Variants in RTN4RL1 observed in about 807,000 individuals in gnomAD.
RTN4RL1 encodes reticulon 4 receptor like 1, also known as reticulon-4 receptor-like 1.
A neutral mutation model predicts 25.6 loss-of-function variants in RTN4RL1; 7 were observed. The ratio of observed to expected loss-of-function variants is 0.27; its 90% CI spans 0.16 to 0.51. The LOEUF (loss-of-function observed/expected upper bound fraction) is 0.51, where lower values mean the gene tolerates loss of function less well. RTN4RL1 is among the 20% of genes least tolerant of loss of function. The probability of loss-of-function intolerance (pLI) is 0.97; values close to 1 mark genes in which losing one functional copy is unlikely to be tolerated. For missense variants in RTN4RL1, 500 were observed against 615.6 expected, an observed-to-expected ratio of 0.81 and a Z score of 1.99; for synonymous variants, 297 against 288.2, an observed-to-expected ratio of 1.03 and a Z score of -0.31.
Position 1,935,709 on chromosome 17 carries a change from GTGTATA to G in RTN4RL1, c.*781_*786del, listed in dbSNP as rs1462086772. 4 of 199,206 alleles carry G rather than the reference GTGTATA, an allele frequency of 2.0e-5. No individual in the cohort carries two copies. The Admixed American group carries it at 3.8e-4, about 19-fold the overall frequency. 12.3% of individuals were successfully genotyped at this position (199,206 alleles called of 1,614,324 possible). On this transcript the variant is annotated 3_prime_UTR_variant, in exon 2 of 2. Transcript: ENST00000331238. ...GGAGTGGGAGGGGGACTGTGCATTT[GTGTATA>G]TATATATATATATATATATATATAT...
intron 1 of RTN4RL1, among the ~76,000 whole-genome samples, chr17:1,965,224 C>T (rs1403026163): frequency 6.6e-6 from 1 of 151,668 alleles, no homozygotes; most frequent in Non-Finnish European, 1.5e-5. Flanking sequence ...ATTCTCTTGC[C>T]TCAGCCTCCC....
chr17:1,950,298 G>A (rs1915645978), intron 1 of RTN4RL1, among the ~76,000 whole-genome samples: 1 of 152,170 alleles, frequency 6.6e-6, no homozygotes, highest in Non-Finnish European at 1.5e-5. Context: ...GACGGATCAG[G>A]GTGAGGGAGG....
intron 1 of RTN4RL1, among the ~76,000 whole-genome samples, chr17:1,973,951 A>C (rs2066831227): frequency 6.6e-6 from 1 of 150,424 alleles, no homozygotes; most frequent in Admixed American, 6.7e-5. Context: ...AGGCAGGAGA[A>C]TAGCTTGAAC....
chr17:1,964,545 A>G (rs2066780185), intron 1 of RTN4RL1, among the ~76,000 whole-genome samples: 1 of 152,030 alleles, frequency 6.6e-6, no homozygotes, highest in Non-Finnish European at 1.5e-5. Flanking sequence ...ATCCTGGCTA[A>G]CATGGTGAAA....
At chr17:1,947,826 GC>G (rs1446307798) in intron 1 of RTN4RL1, among the ~76,000 whole-genome samples, 8 of 152,204 alleles carry the variant, frequency 5.3e-5, no homozygotes, top group Non-Finnish European at 1.2e-4. Flanking sequence ...CTTGAGACCG[GC>G]CCCCGTGGCA....
At chr17:2,024,107 G>A (rs2067244708) in intron 1 of RTN4RL1, among the ~76,000 whole-genome samples, 1 of 152,152 alleles carries the variant, frequency 6.6e-6, no homozygotes, top group Admixed American at 6.5e-5. Flanking sequence ...GACTTCCCCG[G>A]TGCCCGCACC....
rs550716748 is a variant in RTN4RL1 at position 1,963,877 on chromosome 17, G to A, written c.14-26069C>T. Reference sequence around the variant, plus strand: ...CTCCCGAGTAGCTGGGATCACAGGCGCCACCACGCCCGGCTCATTTTGCAT... The same window carrying A: ...CTCCCGAGTAGCTGGGATCACAGGCACCACCACGCCCGGCTCATTTTGCAT... On this transcript the variant is annotated intron_variant, in intron 1 of 1. Transcript: ENST00000331238. Among the ~76,000 whole-genome samples the A allele has an allele frequency of 1.3e-4, 20 of 152,212 alleles. No individual in the cohort carries two copies. The South Asian group carries it at 4.1e-3, about 32-fold the overall frequency.
At chr17:1,954,383 C>CTTTTTTTTTT (rs55654151) in intron 1 of RTN4RL1, among the ~76,000 whole-genome samples, 2 of 124,356 alleles carry the variant, frequency 1.6e-5, no homozygotes, top group Non-Finnish European at 3.2e-5. Context: ...TGCTTCCTTC[C>CTTTTTTTTTT]TTTTTTTTTT....
intron 1 of RTN4RL1, among the ~76,000 whole-genome samples, chr17:1,948,629 G>A (rs1464200048): frequency 6.6e-6 from 1 of 152,182 alleles, no homozygotes; most frequent in Non-Finnish European, 1.5e-5. Flanking sequence ...ACGGGCGGAT[G>A]GGCCCACCAA....
At chr17:1,939,134 C>T (rs1005245506) in intron 1 of RTN4RL1, among the ~76,000 whole-genome samples, 255 of 151,858 alleles carry the variant, frequency 1.7e-3, no homozygotes, top group African/African-American at 5.1e-3. Context: ...GGGCGGATCA[C>T]GAGGTCAGGA....
intron 1 of RTN4RL1, among the ~76,000 whole-genome samples, chr17:1,941,412 C>A (rs557346469): frequency 2.6e-5 from 4 of 152,152 alleles, no homozygotes; most frequent in African/African-American, 9.7e-5. Context: ...GGGCAGGAAC[C>A]CTCCTGCCCC....
At chr17:1,995,138 G>A (rs1481536885) in intron 1 of RTN4RL1, among the ~76,000 whole-genome samples, 7 of 152,100 alleles carry the variant, frequency 4.6e-5, no homozygotes, top group Admixed American at 1.3e-4. Context: ...GCATGGGGCC[G>A]AGTGCAGGGG....
At chr17:2,005,725 ATCTCTCTCTCTCTTTCTC>A (rs1251476440) in intron 1 of RTN4RL1, among the ~76,000 whole-genome samples, 3 of 116,624 alleles carry the variant, frequency 2.6e-5, no homozygotes, top group Non-Finnish European at 5.5e-5. Flanking sequence ...GAGCAAGACC[ATCTCTCTCTCTCTTTCTC>A]TCTCTCTCTC....
At chr17:1,945,334 C>T (rs1287067855) in intron 1 of RTN4RL1, among the ~76,000 whole-genome samples, 1 of 152,100 alleles carries the variant, frequency 6.6e-6, no homozygotes, top group Admixed American at 6.5e-5. Context: ...GCGATTCTCT[C>T]GCCTCATCCT....
intron 1 of RTN4RL1, among the ~76,000 whole-genome samples, chr17:1,961,971 AAAGAAAAGAAAG>A (rs1341949104): frequency 2.3e-5 from 3 of 131,274 alleles, no homozygotes; most frequent in Non-Finnish European, 3.6e-5. Context: ...AAAAGAAAAG[AAAGAAAAGAAAG>A]AAAGAAAAGA....
intron 1 of RTN4RL1, among the ~76,000 whole-genome samples, chr17:1,976,688 C>A (rs946889025): frequency 6.6e-6 from 1 of 152,172 alleles, no homozygotes; most frequent in Non-Finnish European, 1.5e-5. Flanking sequence ...AGTTGGGGCT[C>A]AAACCATTGC....
At chr17:1,971,035 G>A (rs1257423043) in intron 1 of RTN4RL1, among the ~76,000 whole-genome samples, 4 of 152,112 alleles carry the variant, frequency 2.6e-5, no homozygotes, top group East Asian at 1.9e-4. Flanking sequence ...TACATTACCC[G>A]ACCTCTTACC....
At chr17:1,996,827 G>A (rs564183485) in intron 1 of RTN4RL1, among the ~76,000 whole-genome samples, 4 of 152,166 alleles carry the variant, frequency 2.6e-5, no homozygotes, top group African/African-American at 4.8e-5. Context: ...TCTGGGTCTC[G>A]GAGACAGGAC....
At chr17:1,939,088 C>T (rs562635393) in intron 1 of RTN4RL1, among the ~76,000 whole-genome samples, 14 of 151,734 alleles carry the variant, frequency 9.2e-5, no homozygotes, top group African/African-American at 3.4e-4. Context: ...AGCAGTGGCT[C>T]ACACCTGTAG....
Sources: allele counts gnomAD v4.1 joint callset (sites outside exome capture counted in the v4.1 genomes callset), GRCh38; gene constraint gnomAD v4.1.1; transcripts MANE v1.5; gene names NCBI Gene and HGNC (gene_info 2026-07-23, HGNC 2026-07-21).